The following CNTN6 variants were observed in gnomAD, a reference collection of about 807,000 sequenced individuals.
CNTN6 encodes contactin-6.
Under a neutral mutation model 122.8 loss-of-function variants are expected in CNTN6, and 137 were observed. That is an observed-to-expected ratio of 1.12 (90% confidence interval 0.97 to 1.29). The LOEUF (loss-of-function observed/expected upper bound fraction) is 1.29. CNTN6 is among the 50% of genes most tolerant of loss of function. The probability of loss-of-function intolerance (pLI) is 0.00; values close to 1 mark genes in which losing one functional copy is unlikely to be tolerated. For missense variants in CNTN6, 1,634 were observed against 1,223.4 expected (o/e 1.34, Z -5.01); for synonymous variants, 570 against 426.0 (o/e 1.34, Z -4.16).
chr3:1,362,528 T>C (rs999084866), intron 12 of CNTN6, among the ~76,000 whole-genome samples: 2 of 151,990 alleles, frequency 1.3e-5, no homozygotes, highest in Admixed American at 6.6e-5. Context: ...CAGAATACAT[T>C]GATTTAACAC....
intron 12 of CNTN6, among the ~76,000 whole-genome samples, chr3:1,354,384 A>AG (rs1706204979): frequency 6.8e-6 from 1 of 147,186 alleles, no homozygotes; most frequent in South Asian, 2.1e-4. Flanking sequence ...AAAAAAAAAA[A>AG]GCCTGACTTA....
chr3:1,296,205 T>C (rs1696204434), intron 6 of CNTN6, among the ~76,000 whole-genome samples: 1 of 152,200 alleles, frequency 6.6e-6, no homozygotes, highest in South Asian at 2.1e-4. Context: ...CTTTTTTCCA[T>C]ATTTGCCCTT....
At chr3:1,319,444 G>T (rs1386474236) in intron 7 of CNTN6, among the ~76,000 whole-genome samples, 1 of 151,586 alleles carries the variant, frequency 6.6e-6, no homozygotes, top group East Asian at 1.9e-4. Flanking sequence ...CATAATATAT[G>T]CATATAAGGT....
At chr3:1,228,554 T>C (rs1217723886) in intron 4 of CNTN6, among the ~76,000 whole-genome samples, 1 of 152,224 alleles carries the variant, frequency 6.6e-6, no homozygotes, top group Admixed American at 6.5e-5. Context: ...AGATGAACAA[T>C]AGACATACTG....
At chr3:1,294,419 G>A (rs549200364) in intron 5 of CNTN6, among the ~76,000 whole-genome samples, 7 of 152,264 alleles carry the variant, frequency 4.6e-5, no homozygotes, top group African/African-American at 1.7e-4. Context: ...TAGAAATCCA[G>A]TAGTGGTTGC....
chr3:1,388,497 G>A (rs569782228), intron 20 of CNTN6, among the ~76,000 whole-genome samples: 16 of 151,736 alleles, frequency 1.1e-4, no homozygotes, highest in Non-Finnish European at 1.5e-4. Flanking sequence ...ACTCTAAAAC[G>A]CAGAGCGCCT....
chr3:1,195,899 G>T (rs1212308018), intron 2 of CNTN6, among the ~76,000 whole-genome samples: 2 of 149,856 alleles, frequency 1.3e-5, no homozygotes, highest in Admixed American at 6.7e-5. Flanking sequence ...CCAAAGAGAA[G>T]TTTTTTTTTT....
At chr3:1,217,722 G>A (rs2094147574) in intron 2 of CNTN6, among the ~76,000 whole-genome samples, 1 of 152,118 alleles carries the variant, frequency 6.6e-6, no homozygotes, top group African/African-American at 2.4e-5. Context: ...GATTCCTCTG[G>A]TGCCTGCTGG....
chr3:1,223,694 C>G (rs1265297854), intron 3 of CNTN6, among the ~76,000 whole-genome samples: 2 of 152,136 alleles, frequency 1.3e-5, no homozygotes, highest in Non-Finnish European at 2.9e-5. Context: ...AGAATATACT[C>G]TCTATCAGAA....
At chr3:1,220,006 A>AT (rs1362411415) in intron 2 of CNTN6, among the ~76,000 whole-genome samples, 10 of 93,330 alleles carry the variant, frequency 1.1e-4, no homozygotes, top group Non-Finnish European at 1.8e-4. Context: ...TGTCTCAAAA[A>AT]ATAAAAAGAA....
chr3:1,378,670 A>G (rs1230153719), intron 17 of CNTN6, among the ~76,000 whole-genome samples: 6 of 152,190 alleles, frequency 3.9e-5, no homozygotes, highest in African/African-American at 1.2e-4. Flanking sequence ...ATTTCATATC[A>G]TTCAGTCCCC....
chr3:1,398,216 G>C (rs1225991227), intron 20 of CNTN6, among the ~76,000 whole-genome samples: 1 of 152,122 alleles, frequency 6.6e-6, no homozygotes, highest in African/African-American at 2.4e-5. Context: ...TTGCAATCCA[G>C]TTTAATCAAC....
At chr3:1,245,277 A>ATATATATATAT (rs1559596997) in intron 4 of CNTN6, among the ~76,000 whole-genome samples, 301 of 4,478 alleles carry the variant, frequency 0.067, 56 homozygotes, top group Non-Finnish European at 0.083. Context: ...ATATATATAC[A>ATATATATATAT]CACACATATA....
rs1484935751 is a variant in CNTN6 at position 1,227,963 on chromosome 3, C to A, written c.328C>A (p.Leu110Met). ...CLATNLLGTILSRKAKLQFAY... is the reference protein window; with the variant it reads ...CLATNLLGTIMSRKAKLQFAY... ...GGCCACCAATCTTCTGGGGACAATT[C>A]TGAGTCGGAAGGCAAAGCTCCAATT... The change falls in exon 4 of 23, where the codon CTG becomes ATG. Residue 110 changes from leucine to methionine, a missense_variant. Leu to Met is a conservative substitution (Grantham distance 15, BLOSUM62 2). Transcript: ENST00000446702. The A allele has an allele frequency of 6.2e-7, 1 of 1,613,784 alleles. No individual in the cohort carries two copies. The highest frequency in any genetic ancestry group is 8.5e-7 in the Non-Finnish European group (1 of 1,179,892).
intron 5 of CNTN6, among the ~76,000 whole-genome samples, chr3:1,285,582 C>A (rs1014187708): frequency 6.6e-6 from 1 of 152,180 alleles, no homozygotes; most frequent in Non-Finnish European, 1.5e-5. Context: ...ATTTGCAATA[C>A]TTCAACGCAT....
intron 5 of CNTN6, among the ~76,000 whole-genome samples, chr3:1,292,810 G>T (rs542659081): frequency 6.6e-6 from 1 of 152,168 alleles, no homozygotes; most frequent in South Asian, 2.1e-4. Context: ...TACAAAGAGA[G>T]TAAAAGCCTT....
intron 11 of CNTN6, among the ~76,000 whole-genome samples, chr3:1,342,416 C>T (rs887779404): frequency 6.6e-6 from 1 of 152,186 alleles, no homozygotes; most frequent in Non-Finnish European, 1.5e-5. Flanking sequence ...GTGTGAGCCA[C>T]CCTGCCTGGC....
intron 12 of CNTN6, among the ~76,000 whole-genome samples, chr3:1,364,551 G>A (rs939826544): frequency 1.3e-5 from 2 of 151,802 alleles, no homozygotes; most frequent in African/African-American, 4.8e-5. Flanking sequence ...GTATGGTCAG[G>A]AAAGATGAAT....
chr3:1,342,275 G>A (rs1396636889), intron 11 of CNTN6, among the ~76,000 whole-genome samples: 2 of 152,024 alleles, frequency 1.3e-5, no homozygotes, highest in Admixed American at 6.5e-5. Flanking sequence ...GATTACAGGC[G>A]AGCGCCACCA....
Sources: gnomAD v4.1 joint callset for allele counts (sites outside exome capture counted in the v4.1 genomes callset) on GRCh38, gnomAD v4.1.1 for gene constraint, MANE v1.5 for transcripts, NCBI Gene and HGNC (gene_info 2026-07-23, HGNC 2026-07-21) for gene names.